The following LRP1B variants were observed in gnomAD, a reference collection of about 807,000 sequenced individuals.
LRP1B encodes LDL receptor related protein 1B.
Under a neutral mutation model 556.6 loss-of-function variants are expected in LRP1B, and 217 were observed. That is an observed-to-expected ratio of 0.39 (90% confidence interval 0.35 to 0.44). The LOEUF (loss-of-function observed/expected upper bound fraction) is 0.44. LRP1B is among the 20% of genes least tolerant of loss of function. The pLI is 1.00. For synonymous variants in LRP1B, 2,047 were observed against 1,865.8 expected (o/e 1.10, Z -2.50); for missense variants, 5,053 against 5,620.8 (o/e 0.90, Z 3.23).
chr2:140,554,440 A>C (rs1411147582), intron 43 of LRP1B, among the ~76,000 whole-genome samples: 2 of 152,134 alleles, frequency 1.3e-5, no homozygotes, highest in Non-Finnish European at 2.9e-5. Flanking sequence ...TTTTACTTTA[A>C]AAGATGAATA....
intron 41 of LRP1B, among the ~76,000 whole-genome samples, chr2:140,631,583 A>G (rs745874500): frequency 6.6e-6 from 1 of 152,214 alleles, no homozygotes; most frequent in Non-Finnish European, 1.5e-5. Context: ...GCTCAAAGAC[A>G]TGTCAGTAGA....
intron 3 of LRP1B, among the ~76,000 whole-genome samples, chr2:141,346,334 G>A (rs1688258428): frequency 6.6e-6 from 1 of 152,050 alleles, no homozygotes; most frequent in Non-Finnish European, 1.5e-5. Flanking sequence ...ATTCATTATA[G>A]GGAGATCTTT....
At position 141,885,967 on chromosome 2, in the gene LRP1B, T is replaced by C. The variant is rs188770714; in HGVS notation, c.83-75566A>G. ...GTTAATGAGTTTCAGTCATGAGCAA[T>C]ACACTTCTGTGGATCAGCAAATAAG... On this transcript the variant is annotated intron_variant, in intron 1 of 90. Transcript: ENST00000389484. Among the ~76,000 whole-genome samples, 186 of 152,292 alleles carry C rather than the reference T, an allele frequency of 1.2e-3. 1 individual carries two copies. Among genetic ancestry groups the C allele is most frequent in the Non-Finnish European group, 2.3e-3 (158 of 68,028 alleles).
intron 41 of LRP1B, among the ~76,000 whole-genome samples, chr2:140,662,196 T>C (rs1468820907): frequency 6.6e-6 from 1 of 151,938 alleles, no homozygotes; most frequent in Admixed American, 6.6e-5. Context: ...ATATATACTA[T>C]TAAAAGGAAA....
chr2:140,289,137 A>G (rs1045702102), intron 84 of LRP1B, among the ~76,000 whole-genome samples: 4 of 152,014 alleles, frequency 2.6e-5, no homozygotes, highest in African/African-American at 4.8e-5. Context: ...TTTCAAGGGC[A>G]AGTTCCGTGG....
chr2:140,352,937 G>A lies in LRP1B; in HGVS notation c.11650+16C>T. The A allele has an allele frequency of 6.3e-7, 1 of 1,598,024 alleles. No individual in the cohort carries two copies. The highest frequency in any genetic ancestry group is 1.8e-5 in the Admixed American group (1 of 56,572). On this transcript the variant is annotated intron_variant, in intron 76 of 90. Transcript: ENST00000389484. ...CAAAATTGTAATAGGATTTGCAATA[G>A]TGGTTATAATCTTACCTTCTGCTAT...
At chr2:140,531,798 T>C (rs747889803) in intron 47 of LRP1B, among the ~76,000 whole-genome samples, 9 of 152,156 alleles carry the variant, frequency 5.9e-5, no homozygotes, top group Non-Finnish European at 1.2e-4. Flanking sequence ...TGGCCAAATA[T>C]GACGGATACC....
At chr2:141,357,204 C>A (rs780102140) in intron 3 of LRP1B, among the ~76,000 whole-genome samples, 1 of 151,892 alleles carries the variant, frequency 6.6e-6, no homozygotes, top group Non-Finnish European at 1.5e-5. Context: ...TACAGGCGTG[C>A]ACCACCACGC....
chr2:141,876,538 T>A, intron 1 of LRP1B, among the ~76,000 whole-genome samples: 1 of 152,130 alleles, frequency 6.6e-6, no homozygotes, highest in South Asian at 2.1e-4. Context: ...ATGTAGTTAT[T>A]CTCTATCACT....
rs775989279 is a variant in LRP1B at position 140,886,268 on chromosome 2, T to G, written c.3834A>C (p.Arg1278Ser). ...HEIRRIDLHK[R>S]DYSLLVPGLR... ...ATCCAGGAACAAGTAGACTATAGTC[T>G]CTTTTGTGAAGATCAATCCTTCTGA... The change falls in exon 24 of 91, where the codon AGA becomes AGC. Residue 1278 changes from arginine to serine, a missense_variant. Arg to Ser is a moderately radical substitution (Grantham distance 110, BLOSUM62 -1). This residue lies in a region of LRP1B where 3,619 missense variants were observed against 3,931.9 expected (regional missense o/e 0.92). Coordinates refer to ENST00000389484, the MANE Select transcript of LRP1B (RefSeq NM_018557.3). The G allele has an allele frequency of 1.9e-6, 3 of 1,609,928 alleles. No homozygotes were observed. The highest frequency in any genetic ancestry group is 8.5e-7 in the Non-Finnish European group (1 of 1,177,068).
intron 81 of LRP1B, among the ~76,000 whole-genome samples, chr2:140,322,578 G>A (rs1399101926): frequency 6.6e-6 from 1 of 152,028 alleles, no homozygotes; most frequent in Non-Finnish European, 1.5e-5. Flanking sequence ...TCAGTACAAG[G>A]TATAAATGAA....
At chr2:141,641,420 C>T (rs1372026226) in intron 2 of LRP1B, among the ~76,000 whole-genome samples, 1 of 152,046 alleles carries the variant, frequency 6.6e-6, no homozygotes, top group Non-Finnish European at 1.5e-5. Flanking sequence ...AAAAATTAAA[C>T]ACTATACTGA....
At chr2:140,860,272 A>G (rs1041837515) in intron 27 of LRP1B, among the ~76,000 whole-genome samples, 38 of 152,272 alleles carry the variant, frequency 2.5e-4, no homozygotes, top group African/African-American at 9.1e-4. Context: ...GTTAGAGTAT[A>G]ACTGGTATGA....
intron 43 of LRP1B, among the ~76,000 whole-genome samples, chr2:140,544,419 G>A (rs1390634250): frequency 6.6e-6 from 1 of 151,926 alleles, no homozygotes; most frequent in East Asian, 1.9e-4. Context: ...ATCCCTCAGG[G>A]ATTTAGTACC....
intron 15 of LRP1B, among the ~76,000 whole-genome samples, chr2:140,996,068 G>T (rs1224901585): frequency 1.3e-5 from 2 of 151,904 alleles, no homozygotes; most frequent in African/African-American, 4.8e-5. Context: ...TCCAGGAATC[G>T]TGTGTCTTCT....
chr2:141,984,759 C>T (rs571245689), intron 1 of LRP1B, among the ~76,000 whole-genome samples: 1 of 152,108 alleles, frequency 6.6e-6, no homozygotes, highest in Admixed American at 6.6e-5. Flanking sequence ...CACTCTAATA[C>T]ACTTTACCCA....
chr2:141,782,355 A>T (rs1695282101), intron 2 of LRP1B, among the ~76,000 whole-genome samples: 2 of 152,070 alleles, frequency 1.3e-5, no homozygotes, highest in Admixed American at 1.3e-4. Context: ...CCAATTAATA[A>T]AACTTTGCCC....
chr2:141,999,236 C>T (rs535486118), intron 1 of LRP1B, among the ~76,000 whole-genome samples: 1 of 152,092 alleles, frequency 6.6e-6, no homozygotes, highest in East Asian at 1.9e-4. Flanking sequence ...GGAGGCATGT[C>T]CGACCCTCCC....
chr2:140,602,115 A>G (rs1682697231), intron 41 of LRP1B, among the ~76,000 whole-genome samples: 2 of 152,190 alleles, frequency 1.3e-5, no homozygotes, highest in South Asian at 2.1e-4. Context: ...TCCAAAATCT[A>G]ACTCCTTACT....
Sources: gnomAD v4.1 joint callset for allele counts (sites outside exome capture counted in the v4.1 genomes callset) on GRCh38, gnomAD v4.1.1 for gene constraint, gnomAD v4.1.1 regional missense constraint, MANE v1.5 for transcripts, NCBI Gene and HGNC (gene_info 2026-07-23, HGNC 2026-07-21) for gene names.